The following GRXCR1 variants were observed in gnomAD, a reference collection of about 807,000 sequenced individuals.
GRXCR1 encodes the protein glutaredoxin domain-containing cysteine-rich protein 1.
GRXCR1 carries 27 observed loss-of-function variants against 27.3 expected under a neutral mutation model. The ratio of observed to expected loss-of-function variants is 0.99; its 90% CI spans 0.73 to 1.37. GRXCR1 has a LOEUF of 1.37. Ranked by LOEUF, GRXCR1 falls within the 40% of genes most tolerant of loss-of-function variation. The pLI is 0.00. For synonymous variants in GRXCR1, 122 were observed against 131.1 expected (o/e 0.93, Z 0.47); for missense variants, 379 against 354.4 (o/e 1.07, Z -0.56).
intron 2 of GRXCR1, among the ~76,000 whole-genome samples, chr4:43,003,237 G>A (rs1712437299): frequency 6.6e-6 from 1 of 151,944 alleles, no homozygotes; most frequent in Non-Finnish European, 1.5e-5. Flanking sequence ...ACACCAACAT[G>A]GCATATGTAT....
intron 1 of GRXCR1, among the ~76,000 whole-genome samples, chr4:42,962,163 A>T (rs145030634): frequency 2.0e-5 from 3 of 152,086 alleles, no homozygotes; most frequent in East Asian, 3.9e-4. Flanking sequence ...CACACAGGAC[A>T]GTCTTCATCT....
chr4:42,948,648 G>A (rs1747803402), intron 1 of GRXCR1, among the ~76,000 whole-genome samples: 2 of 152,142 alleles, frequency 1.3e-5, no homozygotes, highest in South Asian at 4.2e-4. Flanking sequence ...CTAATCCCTG[G>A]AACCTGTGAA....
At chr4:42,916,157 G>A (rs1275775030) in intron 1 of GRXCR1, among the ~76,000 whole-genome samples, 3 of 151,432 alleles carry the variant, frequency 2.0e-5, no homozygotes, top group African/African-American at 7.3e-5. Context: ...TTATAAGCAG[G>A]GAAATAAGAT....
At chr4:42,990,173 CTTTTTTTTTTTTTTTTTTT>C (rs745784596) in intron 2 of GRXCR1, among the ~76,000 whole-genome samples, 42 of 46,230 alleles carry the variant, frequency 9.1e-4, no homozygotes, top group African/African-American at 2.5e-3. Context: ...ATTATTAGTT[CTTTTTTTTTTTTTTTTTTT>C]TTTTTTTTTT....
intron 1 of GRXCR1, among the ~76,000 whole-genome samples, chr4:42,908,398 G>A (rs1746645538): frequency 6.6e-6 from 1 of 152,122 alleles, no homozygotes; most frequent in South Asian, 2.1e-4. Context: ...ATCTTGCCTG[G>A]GCTTGATCCA....
In GRXCR1 at chr4:42,893,546, A is replaced by G; in HGVS notation, c.280A>G (p.Thr94Ala). 6.2e-7 allele frequency: 1 copy of G among 1,613,852 alleles called. No individual in the cohort carries two copies. The highest frequency in any genetic ancestry group is 2.2e-5 in the East Asian group (1 of 44,842). Residue 94 changes from threonine to alanine, a missense_variant, in exon 1 of 4, where the codon ACA (threonine) becomes GCA (alanine). Transcript: ENST00000399770. ...ARAASEKGFG[T>A]RRVNILSKNG... ...GGCTGCCAGTGAGAAGGGTTTTGGT[A>G]CAAGAAGAGTCAACATTTTAAGCAA... is the stretch of plus-strand genomic sequence containing the variant.
chr4:42,987,222 TTATATATTATATA>T (rs1553943890), intron 2 of GRXCR1, among the ~76,000 whole-genome samples: 2 of 100,594 alleles, frequency 2.0e-5, no homozygotes, highest in Non-Finnish European at 3.9e-5. Flanking sequence ...TATATATATA[TTATATATTATATA>T]TATATAATAT....
chr4:42,937,347 T>C (rs973394420), intron 1 of GRXCR1, among the ~76,000 whole-genome samples: 9 of 151,802 alleles, frequency 5.9e-5, no homozygotes, highest in Admixed American at 4.6e-4. Context: ...CTTGTGTTTT[T>C]TTTCTGCCCC....
chr4:42,930,831 C>T (rs532744182), intron 1 of GRXCR1, among the ~76,000 whole-genome samples: 2 of 151,908 alleles, frequency 1.3e-5, no homozygotes, highest in Non-Finnish European at 2.9e-5. Context: ...AATGTTAATT[C>T]CTTCCTTCCC....
chr4:42,932,913 G>A (rs2079021872), intron 1 of GRXCR1, among the ~76,000 whole-genome samples: 1 of 151,522 alleles, frequency 6.6e-6, no homozygotes, highest in South Asian at 2.1e-4. Context: ...GGAAATAAGG[G>A]GATCTGGTAT....
intron 2 of GRXCR1, among the ~76,000 whole-genome samples, chr4:43,018,465 T>C (rs1043705194): frequency 6.6e-6 from 1 of 152,184 alleles, no homozygotes; most frequent in Non-Finnish European, 1.5e-5. Context: ...TCTACTGCAA[T>C]GTGGAATCTT....
chr4:42,984,387 C>T (rs1189342244), intron 2 of GRXCR1, among the ~76,000 whole-genome samples: 1 of 152,240 alleles, frequency 6.6e-6, no homozygotes. Context: ...CATCTATCTT[C>T]ATTTCATTAG....
rs548810825 is a variant in GRXCR1, at chr4:42,980,960, G to T, written c.627+17826G>T. Among the ~76,000 whole-genome samples the T allele has an allele frequency of 2.0e-3, 281 of 143,602 alleles. 1 individual carries two copies. The highest frequency in any genetic ancestry group is 6.9e-3 in the African/African-American group (274 of 39,622). The allele number at this position is 143,602 out of a possible 152,430, so 94.2% of individuals were successfully genotyped here. A position where few individuals can be genotyped will look rare whatever the true frequency, so the allele number is the denominator to read the frequency against. Reference sequence around the variant, plus strand: ...TTTGGTTGGATCTTGTTTTTTTTGTGTTTTTTTTTTGTATCCATTCAGCTA... The same window carrying T: ...TTTGGTTGGATCTTGTTTTTTTTGTTTTTTTTTTTTGTATCCATTCAGCTA... On this transcript the variant is annotated intron_variant, in intron 2 of 3. Coordinates refer to ENST00000399770, the MANE Select transcript of GRXCR1 (RefSeq NM_001080476.3).
intron 2 of GRXCR1, among the ~76,000 whole-genome samples, chr4:43,012,414 T>A (rs1425017680): frequency 6.6e-6 from 1 of 152,212 alleles, no homozygotes; most frequent in African/African-American, 2.4e-5. Context: ...TCTATTACAT[T>A]CTTTTTTACT....
intron 1 of GRXCR1, among the ~76,000 whole-genome samples, chr4:42,917,662 C>A (rs1746914552): frequency 6.6e-6 from 1 of 152,020 alleles, no homozygotes; most frequent in African/African-American, 2.4e-5. Context: ...ATAAGAGTTT[C>A]TTAGGGTGAA....
chr4:42,975,877 C>T lies in GRXCR1; in HGVS notation c.627+12743C>T, dbSNP rs578117581. 4.6e-5 allele frequency among the ~76,000 whole-genome samples: 7 copies of T among 152,230 alleles called. No individual in the cohort carries two copies. In the South Asian group the frequency reaches 1.5e-3, roughly 32 times the overall value. ...AAGTACTTTGAAGCCTCTTTATGCA[C>T]AATTCAATTTTCATTCCATAAACTT... On this transcript the variant is annotated intron_variant, in intron 2 of 3. Coordinates refer to ENST00000399770, the MANE Select transcript of GRXCR1 (RefSeq NM_001080476.3).
chr4:43,012,397 G>GT (rs536739601), intron 2 of GRXCR1, among the ~76,000 whole-genome samples: 190 of 152,040 alleles, frequency 1.2e-3, no homozygotes, highest in African/African-American at 4.2e-3. Context: ...CATTCCCCTT[G>GT]TTTTTTTCTA....
At chr4:42,909,109 C>T (rs903180033) in intron 1 of GRXCR1, among the ~76,000 whole-genome samples, 1 of 152,150 alleles carries the variant, frequency 6.6e-6, no homozygotes, top group African/African-American at 2.4e-5. Context: ...AAAGCAAACG[C>T]TTTAGATAGC....
intron 2 of GRXCR1, among the ~76,000 whole-genome samples, chr4:42,983,598 C>T (rs2109786572): frequency 6.6e-6 from 1 of 151,998 alleles, no homozygotes; most frequent in Non-Finnish European, 1.5e-5. Context: ...TGAAGAAAGT[C>T]ATTGGTAGCT....
Sources: allele counts gnomAD v4.1 joint callset (sites outside exome capture counted in the v4.1 genomes callset), GRCh38; gene constraint gnomAD v4.1.1; transcripts MANE v1.5; gene names NCBI Gene and HGNC (gene_info 2026-07-23, HGNC 2026-07-21).